Variants in CACNA2D3 observed in about 807,000 individuals in gnomAD.
CACNA2D3 encodes calcium voltage-gated channel auxiliary subunit alpha2delta 3.
Under a neutral mutation model 160.6 loss-of-function variants are expected in CACNA2D3, and 60 were observed. The ratio of observed to expected loss-of-function variants is 0.37; its 90% CI spans 0.30 to 0.46. The LOEUF is 0.46. Ranked by LOEUF, CACNA2D3 falls within the 20% of genes least tolerant of loss-of-function variation. The pLI, the probability that CACNA2D3 is intolerant of heterozygous loss-of-function variation, is 1.00. For synonymous variants in CACNA2D3, 558 were observed against 492.9 expected (o/e 1.13, Z -1.75); for missense variants, 1,205 against 1,365.0 (o/e 0.88, Z 1.85).
chr3:54,423,367 C>T lies in CACNA2D3; in HGVS notation c.381+36593C>T, dbSNP rs150138837. Reference sequence around the variant, plus strand: ...ACAACTTGTTTATAATAGCTTGCAACCTGGCATTTTTTAATTTAAGCCTCA... The same window carrying T: ...ACAACTTGTTTATAATAGCTTGCAATCTGGCATTTTTTAATTTAAGCCTCA... On this transcript the variant is annotated intron_variant, in intron 4 of 37. Transcript: ENST00000474759. Among the ~76,000 whole-genome samples the T allele has an allele frequency of 4.6e-5, 7 of 152,206 alleles. No homozygotes were observed. The East Asian group carries it at 1.4e-3, about 29-fold the overall frequency.
chr3:54,543,598 G>A (rs1195907411), intron 5 of CACNA2D3, among the ~76,000 whole-genome samples: 1 of 152,160 alleles, frequency 6.6e-6, no homozygotes, highest in South Asian at 2.1e-4. Flanking sequence ...TGTCGCGGCT[G>A]AGGCTTGGCC....
intron 27 of CACNA2D3, among the ~76,000 whole-genome samples, chr3:54,955,131 T>C (rs1025137953): frequency 2.6e-5 from 4 of 152,228 alleles, no homozygotes; most frequent in Admixed American, 1.3e-4. Flanking sequence ...CGTAGGAGAA[T>C]GATTATCCAA....
chr3:54,893,451 C>G (rs1700115441), intron 25 of CACNA2D3, among the ~76,000 whole-genome samples: 1 of 152,064 alleles, frequency 6.6e-6, no homozygotes, highest in South Asian at 2.1e-4. Context: ...CATATAGAGG[C>G]ACCTTGACAT....
chr3:54,817,391 C>A (rs1359012097), intron 14 of CACNA2D3, among the ~76,000 whole-genome samples: 1 of 152,176 alleles, frequency 6.6e-6, no homozygotes, highest in East Asian at 1.9e-4. Context: ...CAGACCCTTT[C>A]ACTGGTCCTC....
chr3:54,596,312 T>C (rs1350980380), intron 9 of CACNA2D3, among the ~76,000 whole-genome samples: 3 of 152,092 alleles, frequency 2.0e-5, no homozygotes, highest in Non-Finnish European at 4.4e-5. Context: ...ATTCCGCTGG[T>C]CCTGACCTCC....
chr3:54,332,337 A>C (rs34185673), intron 3 of CACNA2D3, among the ~76,000 whole-genome samples: 5,574 of 152,312 alleles, frequency 0.037, 141 homozygotes, highest in Non-Finnish European at 0.051. Flanking sequence ...TCATGTGTAC[A>C]ACTTGTCTTA....
intron 35 of CACNA2D3, among the ~76,000 whole-genome samples, chr3:55,045,108 G>C (rs11710287): frequency 0.19 from 28,240 of 152,010 alleles, 2,794 homozygotes; most frequent in African/African-American, 0.21. Flanking sequence ...GCATGCAGTG[G>C]TATGATCTTG....
intron 4 of CACNA2D3, among the ~76,000 whole-genome samples, chr3:54,485,159 A>C (rs1245888240): frequency 6.6e-6 from 1 of 152,148 alleles, no homozygotes; most frequent in Non-Finnish European, 1.5e-5. Flanking sequence ...TAGGTAGATA[A>C]TTTTAAATAC....
rs192094612 is a variant in CACNA2D3, at chr3:54,499,136, C to T, written c.382-4356C>T. Among the ~76,000 whole-genome samples, 130 of 152,124 alleles carry T rather than the reference C, an allele frequency of 8.5e-4. 1 individual carries two copies. The Middle Eastern group carries it at 0.027, about 32-fold the overall frequency. ...TTTGAAAGTAGTATTGCTACAGGAC[C>T]AACCCCCAATAAAAATCCTGAATGC... On this transcript the variant is annotated intron_variant, in intron 4 of 37. Coordinates refer to ENST00000474759, the MANE Select transcript of CACNA2D3 (RefSeq NM_018398.3).
At chr3:54,635,032 G>A (rs1220407960) in intron 10 of CACNA2D3, among the ~76,000 whole-genome samples, 2 of 151,906 alleles carry the variant, frequency 1.3e-5, no homozygotes, top group African/African-American at 4.9e-5. Flanking sequence ...AGTGGACGAT[G>A]TTTCTCAGGG....
intron 2 of CACNA2D3, among the ~76,000 whole-genome samples, chr3:54,141,096 C>T (rs1158122820): frequency 0.019 from 936 of 48,148 alleles, 18 homozygotes; most frequent in African/African-American, 0.072. Flanking sequence ...TGCGCGCGCG[C>T]GCGTGTGTGC....
intron 29 of CACNA2D3, among the ~76,000 whole-genome samples, chr3:54,974,152 C>T (rs752028975): frequency 6.6e-5 from 10 of 152,200 alleles, no homozygotes; most frequent in South Asian, 6.2e-4. Context: ...TAACAACTTC[C>T]GTTTCTGAAA....
chr3:54,237,680 A>G (rs2107402721), intron 2 of CACNA2D3, among the ~76,000 whole-genome samples: 1 of 152,156 alleles, frequency 6.6e-6, no homozygotes, highest in Non-Finnish European at 1.5e-5. Flanking sequence ...TATTACATCA[A>G]TTTCATTTAC....
chr3:55,073,673 G>GGA (rs997509143), intron 36 of CACNA2D3, 104 bp from the exon 37 acceptor site: 80 of 1,236,854 alleles, frequency 6.5e-5, no homozygotes, highest in South Asian at 1.3e-4. Flanking sequence ...TTCCACTGTT[G>GGA]GAGAGAGAGA....
At chr3:54,413,559 A>G (rs1050201464) in intron 4 of CACNA2D3, among the ~76,000 whole-genome samples, 2 of 151,064 alleles carry the variant, frequency 1.3e-5, no homozygotes, top group Non-Finnish European at 1.5e-5. Context: ...TTCCTTCTGG[A>G]ACTTAAATGA....
chr3:55,002,253 A>T (rs192817869), intron 31 of CACNA2D3, among the ~76,000 whole-genome samples: 1 of 152,056 alleles, frequency 6.6e-6, no homozygotes. Flanking sequence ...GACTCCAAGC[A>T]CATGCACATT....
intron 2 of CACNA2D3, among the ~76,000 whole-genome samples, chr3:54,127,969 T>G (rs777796240): frequency 1.1e-4 from 16 of 152,118 alleles, no homozygotes; most frequent in Admixed American, 2.0e-4. Context: ...TTCTGCCAGA[T>G]ACATTTCTAC....
At chr3:54,151,745 C>G (rs1700155303) in intron 2 of CACNA2D3, among the ~76,000 whole-genome samples, 1 of 152,224 alleles carries the variant, frequency 6.6e-6, no homozygotes, top group South Asian at 2.1e-4. Flanking sequence ...GCTATGCTGC[C>G]TGCTCCTTAA....
intron 5 of CACNA2D3, among the ~76,000 whole-genome samples, chr3:54,553,932 A>G (rs1702199642): frequency 1.3e-5 from 2 of 152,192 alleles, no homozygotes; most frequent in Non-Finnish European, 2.9e-5. Context: ...CATGGGTGGA[A>G]TACAGATTAT....
Sources: allele counts gnomAD v4.1 joint callset (sites outside exome capture counted in the v4.1 genomes callset), GRCh38; gene constraint gnomAD v4.1.1; transcripts MANE v1.5; gene names NCBI Gene and HGNC (gene_info 2026-07-23, HGNC 2026-07-21).